The following SLC8B1 variants were observed in gnomAD, a reference collection of about 807,000 sequenced individuals.
SLC8B1 encodes solute carrier family 8 member B1.
Under a neutral mutation model 63.4 loss-of-function variants are expected in SLC8B1, and 52 were observed. The ratio of observed to expected loss-of-function variants is 0.82; its 90% CI spans 0.66 to 1.03. SLC8B1 has a LOEUF of 1.03. SLC8B1 is among the 50% of genes least tolerant of loss of function. SLC8B1 has a pLI of 0.00. For synonymous variants in SLC8B1, 336 were observed against 323.9 expected (o/e 1.04, Z -0.40); for missense variants, 657 against 741.7 (o/e 0.89, Z 1.33).
chr12:113,327,104 A>G (rs1462521850), intron 2 of SLC8B1, among the ~76,000 whole-genome samples: 1 of 152,042 alleles, frequency 6.6e-6, no homozygotes, highest in African/African-American at 2.4e-5. Flanking sequence ...GGGGCCCAGG[A>G]ATTTCCCAGG....
At chr12:113,330,374 G>A (rs1486524203) in intron 2 of SLC8B1, among the ~76,000 whole-genome samples, 4 of 152,240 alleles carry the variant, frequency 2.6e-5, no homozygotes, top group African/African-American at 9.6e-5. Context: ...GTCCTGTGAG[G>A]CGGTGGACTA....
chr12:113,325,893 T>C (rs1389068932), intron 2 of SLC8B1, among the ~76,000 whole-genome samples: 4 of 152,208 alleles, frequency 2.6e-5, no homozygotes, highest in Non-Finnish European at 5.9e-5. Flanking sequence ...TTCTTGTATT[T>C]GCCCTGAGCC....
chr12:113,316,438 C>T (rs1009469123), intron 10 of SLC8B1, 88 bp downstream of exon 10: 22 of 1,507,308 alleles, frequency 1.5e-5, no homozygotes, highest in Middle Eastern at 3.7e-4. Flanking sequence ...GACCCCAGGC[C>T]CTCCCCCTCG....
At position 113,316,622 on chromosome 12, in the gene SLC8B1, C is replaced by T. The variant is rs1276283923; in HGVS notation, c.897G>A (p.Glu299=). ...DEYRPLFFYQ[E]TTAQILVRAL... ...CCCGGACCAGGATCTGAGCCGTGGT[C>T]TCCTGGTAGAAGAACAGCGGCCGGT... Residue 299 remains glutamate, a synonymous_variant, in exon 10 of 16, where the codon GAG becomes GAA. Transcript: ENST00000680972. 1.2e-6 allele frequency: 2 copies of T among 1,614,116 alleles called. No individual in the cohort carries two copies. Among genetic ancestry groups the T allele is most frequent in the Non-Finnish European group, 1.7e-6 (2 of 1,180,038 alleles).
rs1234541645 is a variant in SLC8B1, at chr12:113,332,717, A to T, written c.156+6T>A. The T allele has an allele frequency of 6.2e-7, 1 of 1,612,214 alleles. No homozygotes were observed. Among genetic ancestry groups the T allele is most frequent in the South Asian group, 1.1e-5 (1 of 90,880 alleles). On this transcript the variant is annotated splice_donor_region_variant and intron_variant, in intron 2 of 15. Transcript: ENST00000680972. ...CTCAACCCCAGGTTCCTACCGGGAT[A>T]CTCACGTCTACCACGGGGGTCTGGT...
intron 11 of SLC8B1, among the ~76,000 whole-genome samples, chr12:113,310,641 A>G (rs1286056801): frequency 1.3e-5 from 2 of 152,242 alleles, no homozygotes; most frequent in African/African-American, 4.8e-5. Flanking sequence ...CATGGCAGAC[A>G]TCACTAATCA....
chr12:113,298,792 T>TTA lies in SLC8B1; in HGVS notation c.*984_*985insTA, dbSNP rs1323287740. On this transcript the variant is annotated 3_prime_UTR_variant, in exon 16 of 16. Coordinates refer to ENST00000680972, the MANE Select transcript of SLC8B1 (RefSeq NM_001358345.2). ...ACACTTGAAATTTTGACTTTTTTTT[T>TTA]ATTTGGAAAAGAGACAGTTGAATCC... The TTA allele has an allele frequency of 1.3e-5, 2 of 152,100 alleles. No individual in the cohort carries two copies. The highest frequency in any genetic ancestry group is 4.8e-5 in the African/African-American group (2 of 41,362). The allele number at this position is 152,100 out of a possible 1,614,324, so 9.4% of individuals were successfully genotyped here.
At position 113,320,409 on chromosome 12, in the gene SLC8B1, T is replaced by C; in HGVS notation, c.616A>G (p.Ile206Val). ...MAASRPFFRD[I>V]VFYMVAVFLT... ...AACACAGCCACCATGTAGAAAACGA[T>C]GTCCCTGAAGAAGGGCCTGGAGGCA... is the stretch of plus-strand genomic sequence containing the variant. Residue 206 changes from isoleucine (I) to valine (V), a missense_variant, in exon 7 of 16, where the codon ATC becomes GTC. Ile to Val is a conservative substitution (Grantham distance 29). Transcript: ENST00000680972. This position sits in a 1 kb window ranked among gnomAD's most constrained non-coding sequence, Gnocchi z 5.3. 1.9e-6 allele frequency: 3 copies of C among 1,614,122 alleles called. No homozygotes were observed. The highest frequency in any genetic ancestry group is 2.5e-6 in the Non-Finnish European group (3 of 1,180,022).
chr12:113,332,765 G>C lies in SLC8B1; in HGVS notation c.114C>G (p.Pro38=). The C allele has an allele frequency of 1.2e-6, 2 of 1,614,136 alleles. No homozygotes were observed. Among genetic ancestry groups the C allele is most frequent in the African/African-American group, 1.3e-5 (1 of 75,066 alleles). ...RGSSTGAHIS[P]QFPASGVNQT... ...GGTTCACACCTGAAGCTGGAAACTG[G>C]GGGCTAATGTGAGCTCCTGTAGACG... Residue 38 remains proline, a synonymous_variant, in exon 2 of 16, where the codon CCC becomes CCG. Transcript: ENST00000680972.
intron 9 of SLC8B1, 120 bp from the exon 10 acceptor site, chr12:113,316,776 G>A (rs1031924740): frequency 7.9e-6 from 12 of 1,514,326 alleles, no homozygotes; most frequent in African/African-American, 4.1e-5. Flanking sequence ...CCCAGTACTC[G>A]GCAGAGGGCA....
intron 14 of SLC8B1, 98 bp from the exon 15 acceptor site, chr12:113,304,483 GCCACTGC>G: frequency 1.8e-6 from 2 of 1,123,746 alleles, no homozygotes; most frequent in Non-Finnish European, 2.6e-6. Context: ...GGCTTGGGAT[GCCACTGC>G]AAGAATGAAC....
intron 1 of SLC8B1, among the ~76,000 whole-genome samples, chr12:113,333,986 G>A (rs1453528878): frequency 2.0e-5 from 3 of 152,220 alleles, no homozygotes; most frequent in Non-Finnish European, 4.4e-5. Flanking sequence ...TGGGACTACA[G>A]GCGTGAGCCA....
chr12:113,310,812 T>C (rs1337557363), intron 11 of SLC8B1, among the ~76,000 whole-genome samples: 1 of 152,142 alleles, frequency 6.6e-6, no homozygotes, highest in Non-Finnish European at 1.5e-5. Context: ...ATATGAAGGT[T>C]CCAGAGGCTT....
In SLC8B1 at chr12:113,299,713, C is replaced by T; in HGVS notation, c.*64G>A. The T allele has an allele frequency of 1.9e-6, 3 of 1,539,920 alleles. No individual in the cohort carries two copies. Among genetic ancestry groups the T allele is most frequent in the Non-Finnish European group, 2.7e-6 (3 of 1,114,948 alleles). On this transcript the variant is annotated 3_prime_UTR_variant, in exon 16 of 16. Coordinates refer to ENST00000680972, the MANE Select transcript of SLC8B1 (RefSeq NM_001358345.2). ...TTGCAGAAATGCTCCGGTCCCTGGG[C>T]CTCCCCCGGCAGGAGGGGCGGGGCT...
In SLC8B1 at chr12:113,307,794, G is replaced by A. The variant is rs758311545; in HGVS notation, c.1308C>T (p.Ala436=). 1.7e-5 allele frequency: 27 copies of A among 1,613,624 alleles called. No homozygotes were observed. The highest frequency in any genetic ancestry group is 7.7e-5 in the South Asian group (7 of 91,070). Residue 436 remains alanine (A), a synonymous_variant, in exon 13 of 16, where the codon GCC becomes GCT. Transcript: ENST00000680972. Reference sequence around the variant, plus strand: ...GCAAGATGTTCACCACCTCTGTGGCGGCCGCGTTGATCCACAGGGCGCTGG... The same window carrying A: ...GCAAGATGTTCACCACCTCTGTGGCAGCCGCGTTGATCCACAGGGCGCTGG... ...FLTSALWINA[A]ATEVVNILRS...
intron 2 of SLC8B1, among the ~76,000 whole-genome samples, chr12:113,322,444 G>A (rs1956943557): frequency 6.6e-6 from 1 of 152,164 alleles, no homozygotes; most frequent in African/African-American, 2.4e-5. Context: ...GGGCATTTGG[G>A]TATGCCTAGT....
intron 2 of SLC8B1, among the ~76,000 whole-genome samples, chr12:113,332,364 C>T (rs753814843): frequency 1.7e-4 from 26 of 152,158 alleles, no homozygotes; most frequent in African/African-American, 4.6e-4. Flanking sequence ...ATCCACCTCA[C>T]GGTTTCAAGC....
Position 113,332,758 on chromosome 12 carries a change from G to A in SLC8B1, c.121C>T (p.Pro41Ser). ...STGAHISPQF[P>S]ASGVNQTPVV... Reference sequence around the variant, plus strand: ...GGGGTCTGGTTCACACCTGAAGCTGGAAACTGGGGGCTAATGTGAGCTCCT... The same window carrying A: ...GGGGTCTGGTTCACACCTGAAGCTGAAAACTGGGGGCTAATGTGAGCTCCT... Residue 41 changes from proline (P) to serine (S), a missense_variant, in exon 2 of 16, where the codon CCA (proline) becomes TCA (serine). Physicochemically the swap from Pro to Ser is moderately conservative, Grantham distance 74. Coordinates refer to ENST00000680972, the MANE Select transcript of SLC8B1 (RefSeq NM_001358345.2). 1 of 1,614,156 alleles carries A rather than the reference G, an allele frequency of 6.2e-7. No individual in the cohort carries two copies. The highest frequency in any genetic ancestry group is 8.5e-7 in the Non-Finnish European group (1 of 1,180,024).
chr12:113,319,343 T>C, intron 7 of SLC8B1: 2 of 366,406 alleles, frequency 5.5e-6, no homozygotes, highest in Non-Finnish European at 1.0e-5. Flanking sequence ...TAAGGGTCGG[T>C]GTCCTGCTCT....
Sources: allele counts gnomAD v4.1 joint callset (sites outside exome capture counted in the v4.1 genomes callset), GRCh38; gene constraint gnomAD v4.1.1; non-coding constraint Gnocchi (gnomAD v3.1); transcripts MANE v1.5; gene names NCBI Gene and HGNC (gene_info 2026-07-23, HGNC 2026-07-21).